The following TUB variants were observed in gnomAD, a reference collection of about 807,000 sequenced individuals.
The protein encoded by TUB is TUB bipartite transcription factor.
A neutral mutation model predicts 59.7 loss-of-function variants in TUB; 33 were observed. That is an observed-to-expected ratio of 0.55 (90% CI 0.42 to 0.74). The LOEUF (loss-of-function observed/expected upper bound fraction) is 0.74. TUB is among the 30% of genes least tolerant of loss of function. The probability of loss-of-function intolerance (pLI) is 0.00; values close to 1 mark genes in which losing one functional copy is unlikely to be tolerated. For synonymous variants in TUB, 293 were observed against 256.4 expected (o/e 1.14, Z -1.36); for missense variants, 659 against 672.0 (o/e 0.98, Z 0.21).
chr11:8,059,401 G>T (rs1020652498), intron 2 of TUB, among the ~76,000 whole-genome samples: 3 of 152,206 alleles, frequency 2.0e-5, no homozygotes, highest in Non-Finnish European at 4.4e-5. Context: ...TGGGACAAGA[G>T]GAGCTGCTCA....
chr11:8,033,810 T>A (rs533507949), upstream of TUB, among the ~76,000 whole-genome samples: 24 of 152,346 alleles, frequency 1.6e-4, no homozygotes, highest in African/African-American at 5.3e-4. Flanking sequence ...AAGCCAGGGA[T>A]AAAGACCCAA....
intron 9 of TUB, 97 bp from the exon 10 acceptor site, chr11:8,100,406 G>C (rs1944222215): frequency 1.1e-6 from 1 of 926,202 alleles, no homozygotes; most frequent in Middle Eastern, 2.9e-4. Context: ...AGTGGAGATG[G>C]TGGGAACTAG....
chr11:8,064,991 G>A (rs1943209644), intron 2 of TUB, among the ~76,000 whole-genome samples: 1 of 152,232 alleles, frequency 6.6e-6, no homozygotes, highest in South Asian at 2.1e-4. Context: ...GGAGTCCCAG[G>A]GGCCTCTCCA....
chr11:8,049,582 G>GATAT (rs1564902564), intron 2 of TUB, among the ~76,000 whole-genome samples: 5 of 67,498 alleles, frequency 7.4e-5, no homozygotes, highest in African/African-American at 2.4e-4. Context: ...TATATATATA[G>GATAT]ATAGATAGAT....
intron 8 of TUB, among the ~76,000 whole-genome samples, chr11:8,098,091 G>C (rs1440857831): frequency 6.6e-6 from 1 of 152,004 alleles, no homozygotes; most frequent in Non-Finnish European, 1.5e-5. Flanking sequence ...CCAACCCCAG[G>C]GTGTCACTGA....
intron 1 of TUB, among the ~76,000 whole-genome samples, chr11:8,021,094 G>T (rs1942418985): frequency 6.6e-6 from 1 of 152,176 alleles, no homozygotes; most frequent in Non-Finnish European, 1.5e-5. Flanking sequence ...TTCAAATCCT[G>T]ACTCCACCTA....
In TUB at chr11:8,094,205, C is replaced by G. The variant is rs748340337; in HGVS notation, c.397+16C>G. The stretch of plus-strand genomic sequence containing the variant: ...AAGCACAAAGGTCAGCTCACATTCT[C>G]TACAGCCCTCCCCAGCAGGCCTGGC... On this transcript the variant is annotated intron_variant, in intron 4 of 11. Transcript: ENST00000299506. 5 of 1,601,172 alleles carry G rather than the reference C, an allele frequency of 3.1e-6. No homozygotes were observed. Among genetic ancestry groups the G allele is most frequent in the Non-Finnish European group, 4.3e-6 (5 of 1,172,758 alleles).
chr11:8,091,516 A>T lies in TUB; in HGVS notation c.253+1285A>T, dbSNP rs185263108. Among the ~76,000 whole-genome samples the T allele has an allele frequency of 2.1e-3, 315 of 152,324 alleles. 1 individual carries two copies. Among genetic ancestry groups the T allele is most frequent in the African/African-American group, 7.0e-3 (290 of 41,556 alleles). ...CTCTGAGGGGCTCAGTGACCTGCTCATAGTACTCTGCTAGTGAGCAGCAGG... is the reference window on the plus strand; with the variant it reads ...CTCTGAGGGGCTCAGTGACCTGCTCTTAGTACTCTGCTAGTGAGCAGCAGG... On this transcript the variant is annotated intron_variant, in intron 3 of 11. Transcript: ENST00000299506.
chr11:8,075,634 A>G (rs1264687360), intron 2 of TUB: 3 of 152,214 alleles, frequency 2.0e-5, no homozygotes, highest in African/African-American at 7.2e-5. Context: ...TATTAAATTT[A>G]GGGTAAGTCC....
At chr11:8,079,797 G>C (rs570794230), upstream of TUB, among the ~76,000 whole-genome samples, 9 of 152,216 alleles carry the variant, frequency 5.9e-5, no homozygotes, top group African/African-American at 2.2e-4. Context: ...TTTTGTGTGT[G>C]AATGCTAGCT....
intron 2 of TUB, among the ~76,000 whole-genome samples, chr11:8,059,738 T>C (rs1943086399): frequency 2.6e-5 from 4 of 152,056 alleles, no homozygotes; most frequent in Admixed American, 2.0e-4. Flanking sequence ...GTAAGCCTCA[T>C]GGAAGAGCTT....
intron 1 of TUB, among the ~76,000 whole-genome samples, chr11:8,029,539 C>T (rs1942542681): frequency 6.6e-6 from 1 of 152,054 alleles, no homozygotes; most frequent in African/African-American, 2.4e-5. Flanking sequence ...CAGGTGCCCA[C>T]CACAATGCCT....
chr11:8,038,597 C>T (rs1179956213), upstream of TUB: 3 of 1,153,294 alleles, frequency 2.6e-6, no homozygotes, highest in Admixed American at 9.0e-5. Flanking sequence ...TGGAAACCAG[C>T]AATTGGGTGT....
At chr11:8,059,413 C>T (rs576879701) in intron 2 of TUB, among the ~76,000 whole-genome samples, 1 of 152,118 alleles carries the variant, frequency 6.6e-6, no homozygotes, top group Admixed American at 6.5e-5. Context: ...AGCTGCTCAG[C>T]GGAACAGTGC....
intron 2 of TUB, among the ~76,000 whole-genome samples, chr11:8,051,646 T>C (rs996862539): frequency 6.6e-6 from 1 of 152,222 alleles, no homozygotes; most frequent in Non-Finnish European, 1.5e-5. Context: ...ATTCGCCAGC[T>C]TTGCACTCAC....
Position 8,104,699 on chromosome 11 carries a change from C to T in TUB, c.*3080C>T, listed in dbSNP as rs1944461887. ...GCTTTTCAGTTCCCGCTCTGCATTG[C>T]CTGAAAAAACTGGTATGTTGCACGT... On this transcript the variant is annotated 3_prime_UTR_variant, in exon 12 of 12. Coordinates refer to ENST00000299506, the MANE Select transcript of TUB (RefSeq NM_177972.3). 1 of 152,156 alleles carries T rather than the reference C, an allele frequency of 6.6e-6. No homozygotes were observed. The highest frequency in any genetic ancestry group is 2.4e-5 in the African/African-American group (1 of 41,440). 9.4% of individuals were successfully genotyped at this position (152,156 alleles called of 1,614,324 possible). A position where few individuals can be genotyped will look rare whatever the true frequency, so the allele number is the denominator to read the frequency against.
exon 1 of TUB, chr11:8,038,668 G>C: frequency 7.3e-7 from 1 of 1,374,048 alleles, no homozygotes. Flanking sequence ...GGGTTTGGGG[G>C]GAGACTGCGA....
In TUB at chr11:8,081,497, C is replaced by T; in HGVS notation, c.-14C>T. The T allele has an allele frequency of 2.0e-6, 3 of 1,526,792 alleles. No homozygotes were observed. The highest frequency in any genetic ancestry group is 2.6e-6 in the Non-Finnish European group (3 of 1,144,142). 94.6% of individuals were successfully genotyped at this position (1,526,792 alleles called of 1,614,324 possible). On this transcript the variant is annotated 5_prime_UTR_variant, in exon 1 of 12. Transcript: ENST00000299506. ...GCCTCCAGAGCCGCAGCCACCGCCC[C>T]GCCCCCGAGAGACATGACTTCCAAG...
intron 2 of TUB, among the ~76,000 whole-genome samples, chr11:8,074,903 C>A (rs1018294874): frequency 6.6e-6 from 1 of 151,614 alleles, no homozygotes; most frequent in South Asian, 2.1e-4. Flanking sequence ...CCCACCACCA[C>A]GCCCAGCTAA....
Sources: gnomAD v4.1 joint callset for allele counts (sites outside exome capture counted in the v4.1 genomes callset) on GRCh38, gnomAD v4.1.1 for gene constraint, MANE v1.5 for transcripts, NCBI Gene and HGNC (gene_info 2026-07-23, HGNC 2026-07-21) for gene names.